Variants in CDH8 observed in about 807,000 individuals in gnomAD.
The protein encoded by CDH8 is cadherin-8.
In CDH8, 17 loss-of-function variants were observed where a neutral mutation model predicts 68.1. The ratio of observed to expected loss-of-function variants is 0.25; its 90% CI spans 0.17 to 0.37. The LOEUF (loss-of-function observed/expected upper bound fraction) is 0.37. CDH8 is among the 10% of genes least tolerant of loss of function. The pLI is 1.00. For missense variants in CDH8, 763 were observed against 999.3 expected (o/e 0.76, Z 3.19); for synonymous variants, 372 against 365.1 (o/e 1.02, Z -0.21).
chr16:61,921,054 T>G (rs998137456), intron 2 of CDH8, among the ~76,000 whole-genome samples: 4 of 138,334 alleles, frequency 2.9e-5, no homozygotes, highest in African/African-American at 1.1e-4. Flanking sequence ...AATTGAACAA[T>G]GAGAACACAT....
At chr16:61,740,146 T>C (rs1040542902) in intron 8 of CDH8, among the ~76,000 whole-genome samples, 4 of 151,812 alleles carry the variant, frequency 2.6e-5, no homozygotes, top group African/African-American at 9.7e-5. Context: ...GACCTCGTGG[T>C]CTGCCCGCCT....
intron 8 of CDH8, among the ~76,000 whole-genome samples, chr16:61,780,127 G>T (rs528054910): frequency 3.9e-5 from 6 of 152,076 alleles, no homozygotes; most frequent in African/African-American, 7.2e-5. Flanking sequence ...TAAAAGCATC[G>T]AAGGGCTTTT....
At chr16:61,912,744 T>C (rs1476536292) in intron 2 of CDH8, among the ~76,000 whole-genome samples, 1 of 152,096 alleles carries the variant, frequency 6.6e-6, no homozygotes, top group Non-Finnish European at 1.5e-5. Flanking sequence ...TATTCAAATG[T>C]TATTAATAAG....
At chr16:61,923,955 A>T (rs995689572) in intron 2 of CDH8, among the ~76,000 whole-genome samples, 1 of 150,996 alleles carries the variant, frequency 6.6e-6, no homozygotes, top group East Asian at 1.9e-4. Context: ...TGGGTATCAG[A>T]ATCATAAGTA....
Position 61,727,140 on chromosome 16 carries a change from G to A in CDH8, c.1490C>T (p.Ala497Val). 3 of 1,610,586 alleles carry A rather than the reference G, an allele frequency of 1.9e-6. No individual in the cohort carries two copies. Among genetic ancestry groups the A allele is most frequent in the Non-Finnish European group, 2.5e-6 (3 of 1,177,674 alleles). ...ACATAAAAATGCCTCATATTCGGATGCGAATTCAGGGGCGTTGTCATTGAC... is the reference window on the plus strand; with the variant it reads ...ACATAAAAATGCCTCATATTCGGATACGAATTCAGGGGCGTTGTCATTGAC... ...LDVNDNAPEFASEYEAFLCEN... is the reference protein window; with the variant it reads ...LDVNDNAPEFVSEYEAFLCEN... Residue 497 changes from alanine to valine, a missense_variant, in exon 9 of 12, where the codon GCA becomes GTA. Physicochemically the swap from Ala to Val is moderately conservative, Grantham distance 64. This residue lies in a region of CDH8 where 397 missense variants were observed against 436.2 expected (regional missense o/e 0.91). Transcript: ENST00000577390.
intron 8 of CDH8, among the ~76,000 whole-genome samples, chr16:61,744,167 C>T (rs1056267667): frequency 4.6e-5 from 7 of 152,030 alleles, no homozygotes; most frequent in South Asian, 2.1e-4. Context: ...TTATTAATCA[C>T]GATATTCAAA....
At chr16:61,899,843 C>G (rs1217840861) in intron 3 of CDH8, among the ~76,000 whole-genome samples, 3 of 151,602 alleles carry the variant, frequency 2.0e-5, no homozygotes, top group African/African-American at 7.3e-5. Context: ...CACACACACA[C>G]ACACACACAC....
At chr16:61,730,496 TTTC>T (rs1336098895) in intron 8 of CDH8, among the ~76,000 whole-genome samples, 1 of 151,552 alleles carries the variant, frequency 6.6e-6, no homozygotes, top group African/African-American at 2.4e-5. Context: ...TAATTATTAT[TTTC>T]TTCTTTAGTT....
intron 10 of CDH8, among the ~76,000 whole-genome samples, chr16:61,686,763 G>A (rs979977830): frequency 1.3e-5 from 2 of 151,856 alleles, no homozygotes; most frequent in African/African-American, 4.8e-5. Context: ...GCTGGGTTTT[G>A]TGTTTCTTTA....
intron 2 of CDH8, among the ~76,000 whole-genome samples, chr16:61,956,859 T>C (rs145475273): frequency 0.011 from 1,662 of 152,254 alleles, 12 homozygotes; most frequent in Non-Finnish European, 0.015. Context: ...AAACTAACAT[T>C]GCATGATTAC....
chr16:61,761,812 G>C (rs62050517), intron 8 of CDH8, among the ~76,000 whole-genome samples: 1 of 151,836 alleles, frequency 6.6e-6, no homozygotes, highest in African/African-American at 2.4e-5. Context: ...AGACCAGCCC[G>C]GGCAATATAC....
chr16:61,910,915 G>T (rs748558871), intron 2 of CDH8, among the ~76,000 whole-genome samples: 4 of 152,066 alleles, frequency 2.6e-5, no homozygotes, highest in Non-Finnish European at 5.9e-5. Context: ...CTTACATTGG[G>T]CAAGTTACTT....
intron 2 of CDH8, among the ~76,000 whole-genome samples, chr16:61,930,277 A>ACG (rs1456864656): frequency 6.6e-6 from 1 of 151,368 alleles, no homozygotes; most frequent in East Asian, 1.9e-4. Context: ...GAAAACACAC[A>ACG]CACACACACA....
At chr16:61,954,942 G>A (rs1964961315) in intron 2 of CDH8, among the ~76,000 whole-genome samples, 1 of 152,012 alleles carries the variant, frequency 6.6e-6, no homozygotes, top group Non-Finnish European at 1.5e-5. Flanking sequence ...AAGACATAAT[G>A]AACCACCATT....
intron 4 of CDH8, among the ~76,000 whole-genome samples, chr16:61,828,961 A>G (rs1962398871): frequency 6.6e-6 from 1 of 151,850 alleles, no homozygotes; most frequent in Non-Finnish European, 1.5e-5. Context: ...TTTAATGCTT[A>G]TGTTGATGGT....
chr16:61,745,941 A>C (rs1960010643), intron 8 of CDH8, among the ~76,000 whole-genome samples: 1 of 151,926 alleles, frequency 6.6e-6, no homozygotes, highest in Non-Finnish European at 1.5e-5. Flanking sequence ...CTTTAGACAA[A>C]TTTGGTTTTC....
intron 2 of CDH8, among the ~76,000 whole-genome samples, chr16:61,967,855 C>G (rs1764008370): frequency 6.6e-6 from 1 of 152,188 alleles, no homozygotes; most frequent in Non-Finnish European, 1.5e-5. Context: ...GTTACCCAGG[C>G]TGGAGTGCAA....
At chr16:61,953,073 T>G (rs993393068) in intron 2 of CDH8, among the ~76,000 whole-genome samples, 2 of 152,072 alleles carry the variant, frequency 1.3e-5, no homozygotes, top group Non-Finnish European at 2.9e-5. Flanking sequence ...TGCACTAATA[T>G]AAAAGGATCC....
chr16:61,976,029 A>G (rs1169569455), intron 2 of CDH8, among the ~76,000 whole-genome samples: 1 of 152,200 alleles, frequency 6.6e-6, no homozygotes, highest in Non-Finnish European at 1.5e-5. Flanking sequence ...GAACTAACAT[A>G]AACATAATTG....
Sources: allele counts gnomAD v4.1 joint callset (sites outside exome capture counted in the v4.1 genomes callset), GRCh38; gene constraint gnomAD v4.1.1; regional missense constraint gnomAD v4.1.1; transcripts MANE v1.5; gene names NCBI Gene and HGNC (gene_info 2026-07-23, HGNC 2026-07-21).